The following TNFSF4 variants were observed in gnomAD, a reference collection of about 807,000 sequenced individuals.
The protein encoded by TNFSF4 is tumor necrosis factor ligand superfamily member 4.
In TNFSF4, 4 loss-of-function variants were observed where a neutral mutation model predicts 7.3. The observed-to-expected ratio is 0.55, with a 90% CI of 0.27 to 1.25. The LOEUF (loss-of-function observed/expected upper bound fraction) is 1.25. Among genes scored for constraint, TNFSF4 ranks in the 50% most tolerant of loss-of-function variants. The pLI is 0.12. For synonymous variants in TNFSF4, 76 were observed against 83.7 expected, an observed-to-expected ratio of 0.91 and a Z score of 0.50; for missense variants, 181 against 208.8, an observed-to-expected ratio of 0.87 and a Z score of 0.82.
chr1:173,197,690 G>A (rs1372500598), intron 1 of TNFSF4, among the ~76,000 whole-genome samples: 2 of 152,190 alleles, frequency 1.3e-5, no homozygotes, highest in Admixed American at 6.5e-5. Flanking sequence ...CAGGGGCAAG[G>A]GGAGGGAGGG....
At chr1:173,322,291 C>G in the TNFSF4 span, among the ~76,000 whole-genome samples, 1 of 151,952 alleles carries the variant, frequency 6.6e-6, no homozygotes, top group African/African-American at 2.4e-5. Flanking sequence ...CAGAGGGAAG[C>G]GTCTAGGTTT....
At chr1:173,299,799 C>T in the TNFSF4 span, among the ~76,000 whole-genome samples, 1 of 151,796 alleles carries the variant, frequency 6.6e-6, no homozygotes, top group Non-Finnish European at 1.5e-5. Context: ...CACCTGCCCC[C>T]AACATGTAAA....
the TNFSF4 span, among the ~76,000 whole-genome samples, chr1:173,284,061 G>T: frequency 1.7e-3 from 257 of 152,180 alleles, 1 homozygote; most frequent in African/African-American, 5.8e-3. Context: ...GATCAAACCA[G>T]CCACAACATT....
At chr1:173,361,754 G>C in the TNFSF4 span, among the ~76,000 whole-genome samples, 4 of 152,180 alleles carry the variant, frequency 2.6e-5, no homozygotes, top group Non-Finnish European at 2.9e-5. Flanking sequence ...CGGACTCACT[G>C]TTGTGAATTT....
chr1:173,421,017 TGACTACACACA>T, the TNFSF4 span, among the ~76,000 whole-genome samples: 2 of 152,170 alleles, frequency 1.3e-5, no homozygotes, highest in Non-Finnish European at 2.9e-5. Flanking sequence ...AGTTATGTGT[TGACTACACACA>T]GACTACACAC....
chr1:173,317,928 T>C, the TNFSF4 span, among the ~76,000 whole-genome samples: 1 of 152,174 alleles, frequency 6.6e-6, no homozygotes, highest in African/African-American at 2.4e-5. Context: ...GTACGAATTA[T>C]AAATATTACA....
the TNFSF4 span, among the ~76,000 whole-genome samples, chr1:173,251,950 T>C: frequency 1.2e-4 from 19 of 152,308 alleles, no homozygotes; most frequent in South Asian, 3.5e-3. Flanking sequence ...AAGTCCTTTC[T>C]AGAAGACAGA....
At chr1:173,297,037 C>A in the TNFSF4 span, among the ~76,000 whole-genome samples, 2 of 151,898 alleles carry the variant, frequency 1.3e-5, no homozygotes, top group Non-Finnish European at 2.9e-5. Context: ...TAAACATACA[C>A]TGACAGTTCT....
downstream of TNFSF4, among the ~76,000 whole-genome samples, chr1:173,181,248 G>A (rs1339663210): frequency 6.6e-6 from 1 of 152,074 alleles, no homozygotes; most frequent in African/African-American, 2.4e-5. Context: ...CTACAACTTT[G>A]GGTCTTCCTG....
the TNFSF4 span, among the ~76,000 whole-genome samples, chr1:173,218,087 G>A: frequency 6.6e-6 from 1 of 152,106 alleles, no homozygotes; most frequent in Admixed American, 6.5e-5. Context: ...GTATTGGACA[G>A]TGCTGGGCTA....
the TNFSF4 span, among the ~76,000 whole-genome samples, chr1:173,280,935 G>A: frequency 4.6e-5 from 7 of 152,054 alleles, no homozygotes; most frequent in African/African-American, 1.7e-4. Flanking sequence ...TTCCAATTTT[G>A]TAAGGGTACT....
the TNFSF4 span, among the ~76,000 whole-genome samples, chr1:173,235,727 T>G: frequency 1.3e-5 from 2 of 152,238 alleles, no homozygotes; most frequent in African/African-American, 4.8e-5. Flanking sequence ...TTTTAAAAAA[T>G]GTGTAAAACT....
the TNFSF4 span, among the ~76,000 whole-genome samples, chr1:173,280,458 G>A: frequency 5.3e-5 from 8 of 152,102 alleles, no homozygotes; most frequent in Non-Finnish European, 7.4e-5. Flanking sequence ...GTGGGGGCAT[G>A]GGTGAATGAA....
the TNFSF4 span, among the ~76,000 whole-genome samples, chr1:173,445,439 A>G: frequency 4.6e-5 from 7 of 152,186 alleles, no homozygotes; most frequent in South Asian, 2.1e-4. Context: ...AAGAACATAG[A>G]AAGGAATCCT....
the TNFSF4 span, among the ~76,000 whole-genome samples, chr1:173,215,488 C>T: frequency 1.1e-4 from 17 of 152,112 alleles, no homozygotes; most frequent in Non-Finnish European, 2.2e-4. Flanking sequence ...CTGTTACCTT[C>T]GATGTCCTTA....
the TNFSF4 span, among the ~76,000 whole-genome samples, chr1:173,261,892 T>A: frequency 1.3e-5 from 2 of 152,178 alleles, no homozygotes. Context: ...AGCTGAATTC[T>A]ACCAGAGGTA....
rs1375800593 is a variant in TNFSF4, at chr1:173,186,409, T to A, written c.*107A>T. ...GATCTGCTTCTTGTCACATCCCACG[T>A]GGCTGAGCTGGGAGGCTCCTTCACT... is the stretch of plus-strand genomic sequence containing the variant. On this transcript the variant is annotated 3_prime_UTR_variant, in exon 3 of 3. Coordinates refer to ENST00000281834, the MANE Select transcript of TNFSF4 (RefSeq NM_003326.5). 3 of 891,584 alleles carry A rather than the reference T, an allele frequency of 3.4e-6. No homozygotes were observed. The allele number at this position is 891,584 out of a possible 1,614,324, so 55.2% of individuals were successfully genotyped here.
the TNFSF4 span, among the ~76,000 whole-genome samples, chr1:173,422,535 G>A: frequency 6.6e-6 from 1 of 152,036 alleles, no homozygotes; most frequent in Non-Finnish European, 1.5e-5. Context: ...GGGGAACCTT[G>A]GCCAGTCTAG....
At chr1:173,267,028 T>C in the TNFSF4 span, among the ~76,000 whole-genome samples, 28 of 152,310 alleles carry the variant, frequency 1.8e-4, no homozygotes, top group Admixed American at 1.5e-3. Context: ...CTCATATGCT[T>C]TCCATTAACT....
Sources: allele counts gnomAD v4.1 joint callset (sites outside exome capture counted in the v4.1 genomes callset), GRCh38; gene constraint gnomAD v4.1.1; transcripts MANE v1.5; gene names NCBI Gene and HGNC (gene_info 2026-07-23, HGNC 2026-07-21).